Variants in WDR72 observed in about 807,000 individuals in gnomAD.
WDR72 encodes WD repeat domain 72, also known as WD repeat-containing protein 72.
WDR72 carries 120 observed loss-of-function variants against 124.2 expected under a neutral mutation model. The observed-to-expected ratio is 0.97, with a 90% CI of 0.83 to 1.12. The LOEUF is 1.12. Among genes scored for constraint, WDR72 ranks in the 50% most tolerant of loss-of-function variants. The pLI is 0.00. For missense variants in WDR72, 1,387 were observed against 1,278.8 expected, an observed-to-expected ratio of 1.08 and a Z score of -1.29; for synonymous variants, 452 against 441.7, an observed-to-expected ratio of 1.02 and a Z score of -0.29.
At chr15:53,616,554 T>C (rs1291716518) in intron 14 of WDR72, among the ~76,000 whole-genome samples, 1 of 151,984 alleles carries the variant, frequency 6.6e-6, no homozygotes, top group African/African-American at 2.4e-5. Flanking sequence ...CTTTCTACTA[T>C]TATTGTCATA....
At chr15:53,717,133 G>T (rs1335671464) in intron 3 of WDR72, among the ~76,000 whole-genome samples, 1 of 151,888 alleles carries the variant, frequency 6.6e-6, no homozygotes, top group Non-Finnish European at 1.5e-5. Context: ...GCTACATTTG[G>T]TCTATCATCG....
intron 1 of WDR72, among the ~76,000 whole-genome samples, chr15:53,747,810 A>T (rs747485726): frequency 2.2e-4 from 34 of 152,202 alleles, no homozygotes; most frequent in Non-Finnish European, 3.7e-4. Context: ...GAAGTATGAG[A>T]GAACAATTCA....
chr15:53,726,264 GTATATA>G (rs34367324), intron 2 of WDR72, among the ~76,000 whole-genome samples: 15 of 110,356 alleles, frequency 1.4e-4, no homozygotes, highest in African/African-American at 2.7e-4. Flanking sequence ...ATGTATGTGT[GTATATA>G]TATATATATA....
chr15:53,635,108 C>T (rs1199605385), intron 14 of WDR72, among the ~76,000 whole-genome samples: 2 of 152,176 alleles, frequency 1.3e-5, no homozygotes, highest in Non-Finnish European at 2.9e-5. Context: ...AGAAATAATG[C>T]TGACTTTAAC....
intron 18 of WDR72, among the ~76,000 whole-genome samples, chr15:53,577,515 T>C (rs1438720789): frequency 4.6e-5 from 7 of 152,144 alleles, no homozygotes; most frequent in African/African-American, 1.7e-4. Context: ...TTTGAACCTT[T>C]TAGAAAACTG....
intron 17 of WDR72, among the ~76,000 whole-genome samples, chr15:53,601,279 A>G (rs1010236798): frequency 6.6e-6 from 1 of 152,144 alleles, no homozygotes; most frequent in Non-Finnish European, 1.5e-5. Context: ...AGTAAAGGAG[A>G]AAAAAGATCC....
chr15:53,625,309 A>ATAAT (rs1420225141), intron 14 of WDR72, among the ~76,000 whole-genome samples: 1 of 152,262 alleles, frequency 6.6e-6, no homozygotes, highest in Non-Finnish European at 1.5e-5. Context: ...TGCCTGACAG[A>ATAAT]TAATTCCCCA....
At chr15:53,583,781 T>A (rs1345729451) in intron 18 of WDR72, among the ~76,000 whole-genome samples, 3 of 151,936 alleles carry the variant, frequency 2.0e-5, no homozygotes, top group Non-Finnish European at 4.4e-5. Context: ...GAAAGAAACA[T>A]AAGTCAATGG....
intron 14 of WDR72, among the ~76,000 whole-genome samples, chr15:53,654,498 C>G (rs1425726833): frequency 4.6e-5 from 7 of 152,068 alleles, no homozygotes; most frequent in African/African-American, 1.4e-4. Context: ...GAACTTGGTC[C>G]TAGAATTAAT....
intron 14 of WDR72, among the ~76,000 whole-genome samples, chr15:53,622,390 T>C: frequency 6.6e-6 from 1 of 152,042 alleles, no homozygotes; most frequent in Non-Finnish European, 1.5e-5. Context: ...AGCCCATCAA[T>C]GATAGACTGG....
At chr15:53,571,976 G>A (rs978804826) in intron 18 of WDR72, among the ~76,000 whole-genome samples, 7 of 152,154 alleles carry the variant, frequency 4.6e-5, no homozygotes, top group African/African-American at 1.7e-4. Context: ...CAGTGATGTT[G>A]AACATTTTTT....
intron 18 of WDR72, among the ~76,000 whole-genome samples, chr15:53,587,118 G>A (rs1022514312): frequency 6.6e-6 from 1 of 152,012 alleles, no homozygotes; most frequent in African/African-American, 2.4e-5. Context: ...GCAATGCTTA[G>A]GAACGCCTTT....
At chr15:53,568,797 T>G (rs965514253) in intron 18 of WDR72, among the ~76,000 whole-genome samples, 60 of 152,116 alleles carry the variant, frequency 3.9e-4, no homozygotes, top group Admixed American at 1.1e-3. Flanking sequence ...TTATCATTTC[T>G]CATGAGTTAA....
chr15:53,714,228 T>C (rs1402102696), intron 6 of WDR72, among the ~76,000 whole-genome samples: 1 of 151,716 alleles, frequency 6.6e-6, no homozygotes, highest in African/African-American at 2.4e-5. Context: ...TGTATATACA[T>C]GGAGAAAAGG....
intron 14 of WDR72, among the ~76,000 whole-genome samples, chr15:53,644,941 A>C (rs556347094): frequency 6.6e-6 from 1 of 152,214 alleles, no homozygotes; most frequent in African/African-American, 2.4e-5. Context: ...TTTTCAGCTA[A>C]GTGTTAGAGT....
At chr15:53,684,595 T>A (rs1567025836) in intron 13 of WDR72, 1 of 157,400 alleles carries the variant, frequency 6.4e-6, no homozygotes, top group Non-Finnish European at 1.4e-5. Flanking sequence ...AGCACAGCAG[T>A]CTGAGATCAA....
chr15:53,597,087 G>A lies in WDR72; in HGVS notation c.3140C>T (p.Pro1047Leu). Residue 1047 changes from proline to leucine, a missense_variant, in exon 18 of 20, where the codon CCT becomes CTT. By Grantham distance (98) the Pro-to-Leu change is moderately conservative. Transcript: ENST00000360509. The stretch of plus-strand genomic sequence containing the variant: ...ATAAATTTTGTACTTACTTTGCAGA[G>A]GCAAAGTGTTTCTAACACACTGTAA... ...LELQCVRNTL[P>L]LQTPVSPVKH... The A allele has an allele frequency of 6.2e-7, 1 of 1,613,566 alleles. No homozygotes were observed. Among genetic ancestry groups the A allele is most frequent in the African/African-American group, 1.3e-5 (1 of 75,020 alleles).
At chr15:53,706,331 CGTGTGTGT>C (rs58315386) in intron 9 of WDR72, among the ~76,000 whole-genome samples, 2 of 51,662 alleles carry the variant, frequency 3.9e-5, no homozygotes, top group East Asian at 5.3e-4. Flanking sequence ...GTTATATGTG[CGTGTGTGT>C]GTGTGTGTGT....
In WDR72 at chr15:53,514,311, A is replaced by T. The variant is rs1353515550; in HGVS notation, c.*3388T>A. The T allele has an allele frequency of 1.3e-5, 2 of 152,184 alleles. No homozygotes were observed. The highest frequency in any genetic ancestry group is 2.9e-5 in the Non-Finnish European group (2 of 68,040). 9.4% of individuals were successfully genotyped at this position (152,184 alleles called of 1,614,324 possible). ...ATCAAAATGTATGAATATAAAATTT[A>T]AAAAATTGAATGAGTCCACTCTGTG... On this transcript the variant is annotated 3_prime_UTR_variant, in exon 20 of 20. Transcript: ENST00000360509.
Sources: gnomAD v4.1 joint callset for allele counts (sites outside exome capture counted in the v4.1 genomes callset) on GRCh38, gnomAD v4.1.1 for gene constraint, MANE v1.5 for transcripts, NCBI Gene and HGNC (gene_info 2026-07-23, HGNC 2026-07-21) for gene names.